The following PALM2AKAP2 variants were observed in gnomAD, a reference collection of about 807,000 sequenced individuals.
PALM2AKAP2 encodes the protein PALM2-AKAP2 fusion protein.
PALM2AKAP2 carries 37 observed loss-of-function variants against 71.5 expected under a neutral mutation model. That is an observed-to-expected ratio of 0.52 (90% CI 0.40 to 0.68). PALM2AKAP2 has a LOEUF of 0.68. Among genes scored for constraint, PALM2AKAP2 ranks in the 30% least tolerant of loss-of-function variants. The pLI is 0.00. For synonymous variants in PALM2AKAP2, 468 were observed against 478.8 expected, an observed-to-expected ratio of 0.98 and a Z score of 0.29; for missense variants, 1,224 against 1,191.8, an observed-to-expected ratio of 1.03 and a Z score of -0.40.
chr9:109,919,153 C>T (rs959941532), intron 3 of PALM2AKAP2, among the ~76,000 whole-genome samples: 1 of 152,174 alleles, frequency 6.6e-6, no homozygotes, highest in Non-Finnish European at 1.5e-5. Context: ...GTTTTAGAAT[C>T]CCCTGTAGTG....
intron 1 of PALM2AKAP2, among the ~76,000 whole-genome samples, chr9:109,742,750 G>A (rs984654844): frequency 6.6e-6 from 1 of 152,138 alleles, no homozygotes; most frequent in Non-Finnish European, 1.5e-5. Flanking sequence ...ACTTCTACAT[G>A]CCATATTTGG....
chr9:109,983,967 T>C lies in PALM2AKAP2; in HGVS notation c.497-31987T>C, dbSNP rs559355268. Among the ~76,000 whole-genome samples, 18 of 152,340 alleles carry C rather than the reference T, an allele frequency of 1.2e-4. No individual in the cohort carries two copies. The South Asian group carries it at 3.1e-3, about 26-fold the overall frequency. Reference sequence around the variant, plus strand: ...AAACAAGTATTCAGGAATGAATTTATTGAATAAATCATCATAATTAATGTG... The same window carrying C: ...AAACAAGTATTCAGGAATGAATTTACTGAATAAATCATCATAATTAATGTG... On this transcript the variant is annotated intron_variant, in intron 6 of 9. Coordinates refer to the PALM2AKAP2 transcript ENST00000302798.
intron 1 of PALM2AKAP2, among the ~76,000 whole-genome samples, chr9:109,839,392 A>G (rs1828585768): frequency 6.6e-6 from 1 of 152,216 alleles, no homozygotes; most frequent in Non-Finnish European, 1.5e-5. Context: ...ATCTCAAAAT[A>G]ATAAGGGCTA....
chr9:109,884,780 A>G (rs1755876571), intron 3 of PALM2AKAP2, among the ~76,000 whole-genome samples: 1 of 152,254 alleles, frequency 6.6e-6, no homozygotes, highest in African/African-American at 2.4e-5. Context: ...TATAAAGTAT[A>G]TTAGTACAGT....
intron 1 of PALM2AKAP2, among the ~76,000 whole-genome samples, chr9:110,085,881 C>T (rs184883848): frequency 2.0e-5 from 3 of 152,006 alleles, no homozygotes; most frequent in East Asian, 1.9e-4. Context: ...CCGAGGCGGG[C>T]GGATCACCTG....
At chr9:109,916,854 A>G (rs1263288593) in intron 3 of PALM2AKAP2, among the ~76,000 whole-genome samples, 1 of 152,214 alleles carries the variant, frequency 6.6e-6, no homozygotes, top group Non-Finnish European at 1.5e-5. Flanking sequence ...GCCCCTGTGG[A>G]CATAGGATTA....
intron 1 of PALM2AKAP2, among the ~76,000 whole-genome samples, chr9:109,765,156 C>T (rs960891086): frequency 6.6e-6 from 1 of 152,150 alleles, no homozygotes; most frequent in Non-Finnish European, 1.5e-5. Context: ...TTTACCTGGT[C>T]CATAAGTTTA....
exon 2 of PALM2AKAP2, chr9:110,138,205 C>T (rs1277625649): frequency 6.2e-7 from 1 of 1,613,956 alleles, no homozygotes; most frequent in Non-Finnish European, 8.5e-7. Flanking sequence ...AAAGGGGGCC[C>T]CCCCAGCCAC....
At chr9:110,069,920 C>T (rs12056992) in intron 1 of PALM2AKAP2, among the ~76,000 whole-genome samples, 17,587 of 152,250 alleles carry the variant, frequency 0.12, 1,071 homozygotes, top group Middle Eastern at 0.22. Flanking sequence ...CGGCTATTTC[C>T]GTTTTTCTAA....
intron 1 of PALM2AKAP2, among the ~76,000 whole-genome samples, chr9:109,674,452 C>G (rs1325168051): frequency 1.3e-5 from 2 of 151,904 alleles, no homozygotes; most frequent in Admixed American, 1.3e-4. Flanking sequence ...ATTTATCTTC[C>G]TCTGAAGACT....
At chr9:109,761,388 G>T (rs541785411) in intron 1 of PALM2AKAP2, among the ~76,000 whole-genome samples, 4 of 151,954 alleles carry the variant, frequency 2.6e-5, no homozygotes, top group African/African-American at 9.7e-5. Flanking sequence ...TTTAAGTTTC[G>T]GGATACATGT....
intron 1 of PALM2AKAP2, among the ~76,000 whole-genome samples, chr9:110,084,505 G>T (rs574645338): frequency 6.6e-6 from 1 of 152,082 alleles, no homozygotes; most frequent in Non-Finnish European, 1.5e-5. Context: ...GGTAACTATG[G>T]GGGGGTTGGT....
chr9:110,062,021 G>C (rs545955), intron 1 of PALM2AKAP2, among the ~76,000 whole-genome samples: 107,644 of 147,408 alleles, frequency 0.73, 39,860 homozygotes, highest in African/African-American at 0.85. Context: ...TAAGCTTGTT[G>C]TCTCCTTTTA....
At chr9:110,047,764 T>C (rs191311680), upstream of PALM2AKAP2, among the ~76,000 whole-genome samples, 1 of 152,146 alleles carries the variant, frequency 6.6e-6, no homozygotes, top group African/African-American at 2.4e-5. Context: ...AAAGTGTTGC[T>C]CTCTAGGTGG....
chr9:109,727,387 A>G (rs1370926549), intron 1 of PALM2AKAP2, among the ~76,000 whole-genome samples: 1 of 152,222 alleles, frequency 6.6e-6, no homozygotes, highest in Non-Finnish European at 1.5e-5. Context: ...ACTTTGAGCA[A>G]ATCACTCAAC....
At chr9:109,967,411 CTTT>C (rs561453860) in intron 6 of PALM2AKAP2, among the ~76,000 whole-genome samples, 10 of 141,948 alleles carry the variant, frequency 7.0e-5, no homozygotes, top group Admixed American at 1.4e-4. Context: ...GACTCCGTGT[CTTT>C]TTTTTTTTTT....
intron 1 of PALM2AKAP2, among the ~76,000 whole-genome samples, chr9:109,705,375 GA>G (rs1411332553): frequency 6.6e-6 from 1 of 152,088 alleles, no homozygotes; most frequent in Non-Finnish European, 1.5e-5. Context: ...TGGCCTTTAG[GA>G]AAACTTTATA....
At chr9:110,136,582 C>A (rs754148726) in exon 2 of PALM2AKAP2, 2 of 1,613,588 alleles carry the variant, frequency 1.2e-6, no homozygotes, top group Non-Finnish European at 1.7e-6. Flanking sequence ...CTCCTCACAT[C>A]GAGCTCAGTA....
chr9:109,681,159 T>C (rs1827727091), intron 1 of PALM2AKAP2, among the ~76,000 whole-genome samples: 1 of 152,228 alleles, frequency 6.6e-6, no homozygotes, highest in Non-Finnish European at 1.5e-5. Context: ...AACATTGTTT[T>C]GCATTGTAAT....
Sources: gnomAD v4.1 joint callset for allele counts (sites outside exome capture counted in the v4.1 genomes callset) on GRCh38, gnomAD v4.1.1 for gene constraint, MANE v1.5 for transcripts, NCBI Gene and HGNC (gene_info 2026-07-23, HGNC 2026-07-21) for gene names.